WDR27: variants seen among roughly 807,000 people sequenced by gnomAD.
WDR27 encodes the protein WD repeat domain 27.
In WDR27, 100 loss-of-function variants were observed where a neutral mutation model predicts 114.4. The ratio of observed to expected loss-of-function variants is 0.87; its 90% CI spans 0.74 to 1.03. The LOEUF (loss-of-function observed/expected upper bound fraction) is 1.03. WDR27 is among the 50% of genes least tolerant of loss of function. The pLI, the probability that WDR27 is intolerant of heterozygous loss-of-function variation, is 0.00. For missense variants in WDR27, 1,129 were observed against 1,092.9 expected (o/e 1.03, Z -0.47); for synonymous variants, 449 against 423.1 (o/e 1.06, Z -0.75).
In WDR27 at chr6:169,671,867, ACT is replaced by A. The variant is rs575492348; in HGVS notation, c.331+386_331+387del. 101 of 158,220 alleles carry A rather than the reference ACT, an allele frequency of 6.4e-4. 3 individuals carry two copies. In the South Asian group the frequency reaches 0.019, roughly 30 times the overall value. 9.8% of individuals were successfully genotyped at this position (158,220 alleles called of 1,614,324 possible). A position where few individuals can be genotyped will look rare whatever the true frequency, so the allele number is the denominator to read the frequency against. ...TGGGACCAAGCCCTTCCTATTCACC[ACT>A]GTGTCTCCAGCCTGAAATATTACAG... On this transcript the variant is annotated intron_variant, in intron 3 of 25. Transcript: ENST00000448612.
At chr6:169,482,030 CTAA>C (rs1254948602) in intron 25 of WDR27, among the ~76,000 whole-genome samples, 1 of 152,234 alleles carries the variant, frequency 6.6e-6, no homozygotes, top group East Asian at 1.9e-4. Context: ...TTAGCTCCCA[CTAA>C]TAAGAATATG....
chr6:169,510,018 A>G (rs866744466), intron 25 of WDR27, among the ~76,000 whole-genome samples: 1 of 152,236 alleles, frequency 6.6e-6, no homozygotes, highest in Non-Finnish European at 1.5e-5. Context: ...CAGCCAAAAA[A>G]CACATGAAAA....
intron 25 of WDR27, among the ~76,000 whole-genome samples, chr6:169,490,388 T>C (rs1346801737): frequency 6.6e-6 from 1 of 152,222 alleles, no homozygotes; most frequent in Non-Finnish European, 1.5e-5. Context: ...GACAAACTAT[T>C]CTTGTAACAA....
At chr6:169,557,890 C>T (rs559743287) in intron 25 of WDR27, among the ~76,000 whole-genome samples, 25 of 152,228 alleles carry the variant, frequency 1.6e-4, no homozygotes, top group African/African-American at 5.8e-4. Flanking sequence ...CTTTTCTATA[C>T]TGTACACTGT....
At chr6:169,689,196 T>C in intron 1 of WDR27, 184 bp from the exon 2 acceptor site, 1 of 461,624 alleles carries the variant, frequency 2.2e-6, no homozygotes, top group Non-Finnish European at 3.8e-6. Context: ...AGCTTCCACA[T>C]TCTCAACTGC....
rs771306866 is a variant in WDR27, at chr6:169,659,147, C to G, written c.1258G>C (p.Ala420Pro). ...CACTGCTGAGCCCTGACTAGCGCGG[C>G]CGGGTTGATCTCCAACACGGCAATC... The part of the protein sequence containing the change: ...GKIAVLEINP[A>P]ALVRAQQCPS... The change falls in exon 12 of 26, where the codon GCC becomes CCC. Residue 420 changes from alanine to proline, a missense_variant. Ala to Pro is a conservative substitution (Grantham distance 27, BLOSUM62 -1). Coordinates refer to ENST00000448612, the MANE Select transcript of WDR27 (RefSeq NM_182552.5). This position sits in a 1 kb window ranked among gnomAD's most constrained non-coding sequence, Gnocchi z 4.3. The G allele has an allele frequency of 5.0e-6, 8 of 1,611,570 alleles. No individual in the cohort carries two copies. The South Asian group carries it at 7.7e-5, about 16-fold the overall frequency.
At chr6:169,539,917 G>T (rs1351647098) in intron 25 of WDR27, among the ~76,000 whole-genome samples, 1 of 152,126 alleles carries the variant, frequency 6.6e-6, no homozygotes, top group Non-Finnish European at 1.5e-5. Flanking sequence ...TCTGAAAAAT[G>T]AGTCCATCAG....
chr6:169,482,570 T>C (rs577507503), intron 25 of WDR27, among the ~76,000 whole-genome samples: 1 of 152,296 alleles, frequency 6.6e-6, no homozygotes, highest in African/African-American at 2.4e-5. Flanking sequence ...TTTAGTCTTT[T>C]GTGCAATAAC....
intron 6 of WDR27, chr6:169,666,314 A>T (rs1237191107): frequency 6.7e-6 from 6 of 897,716 alleles, no homozygotes; most frequent in Non-Finnish European, 6.7e-6. Flanking sequence ...TGGATACATT[A>T]ACCTCAGAAA....
chr6:169,683,086 T>C (rs1257489368), intron 2 of WDR27, among the ~76,000 whole-genome samples: 1 of 151,876 alleles, frequency 6.6e-6, no homozygotes, highest in African/African-American at 2.4e-5. Flanking sequence ...AAAGAGCAAA[T>C]ATTCAGGTTA....
chr6:169,634,572 T>C, intron 19 of WDR27, 47 bp from the exon 20 acceptor site: 1 of 1,242,374 alleles, frequency 8.0e-7, no homozygotes, highest in South Asian at 1.3e-5. Flanking sequence ...TTCCTTCTGC[T>C]ACAACTAAAC....
In WDR27 at chr6:169,486,881, T is replaced by C. The variant is rs370710202; in HGVS notation, c.2646-29247A>G. On this transcript the variant is annotated intron_variant, in intron 25 of 25. Coordinates refer to ENST00000448612, the MANE Select transcript of WDR27 (RefSeq NM_182552.5). Reference sequence around the variant, plus strand: ...ATTCATTGACAGCCATCTTCCAAGTTTGCAAAAGGAGGAGTAAATCACATC... The same window carrying C: ...ATTCATTGACAGCCATCTTCCAAGTCTGCAAAAGGAGGAGTAAATCACATC... Among the ~76,000 whole-genome samples the C allele has an allele frequency of 8.9e-4, 135 of 152,310 alleles. 1 individual carries two copies. Among genetic ancestry groups the C allele is most frequent in the African/African-American group, 2.7e-3 (113 of 41,578 alleles).
At chr6:169,427,931 C>T in the WDR27 span, among the ~76,000 whole-genome samples, 1 of 152,200 alleles carries the variant, frequency 6.6e-6, no homozygotes, top group East Asian at 1.9e-4. Flanking sequence ...TTTTCACATC[C>T]TTGCTCCTTT....
chr6:169,656,169 CTA>C (rs982458960), intron 13 of WDR27, among the ~76,000 whole-genome samples: 9 of 150,276 alleles, frequency 6.0e-5, no homozygotes, highest in Non-Finnish European at 1.3e-4. Flanking sequence ...TGGTTTGTGA[CTA>C]TGCAAAAAAG....
chr6:169,564,215 C>A (rs1445803623), intron 25 of WDR27, among the ~76,000 whole-genome samples: 1 of 152,208 alleles, frequency 6.6e-6, no homozygotes, highest in Non-Finnish European at 1.5e-5. Flanking sequence ...CAGGAAGCAT[C>A]CAGCATGGGA....
chr6:169,518,189 T>C (rs1417136842), intron 25 of WDR27, among the ~76,000 whole-genome samples: 1 of 152,180 alleles, frequency 6.6e-6, no homozygotes, highest in Non-Finnish European at 1.5e-5. Flanking sequence ...CTGCCAGTGA[T>C]CTACCATTCT....
chr6:169,633,727 C>G (rs193170619), intron 20 of WDR27, among the ~76,000 whole-genome samples: 3 of 152,298 alleles, frequency 2.0e-5, no homozygotes, highest in African/African-American at 7.2e-5. Flanking sequence ...TTACTCTTGA[C>G]TCTAGTACTC....
intron 25 of WDR27, among the ~76,000 whole-genome samples, chr6:169,463,649 C>T (rs1163357224): frequency 6.6e-6 from 1 of 152,168 alleles, no homozygotes; most frequent in Non-Finnish European, 1.5e-5. Context: ...CCTACACATT[C>T]CACTCACAAA....
intron 25 of WDR27, among the ~76,000 whole-genome samples, chr6:169,474,786 T>C (rs935158997): frequency 3.9e-5 from 6 of 152,178 alleles, no homozygotes; most frequent in African/African-American, 1.2e-4. Flanking sequence ...CCAGGAATGA[T>C]AAAAATAAAT....
Sources: gnomAD v4.1 joint callset for allele counts (sites outside exome capture counted in the v4.1 genomes callset) on GRCh38, gnomAD v4.1.1 for gene constraint, Gnocchi (gnomAD v3.1) non-coding constraint, MANE v1.5 for transcripts, NCBI Gene and HGNC (gene_info 2026-07-23, HGNC 2026-07-21) for gene names.